Variants in PLXDC2 observed in about 807,000 individuals in gnomAD.
The protein encoded by PLXDC2 is plexin domain-containing protein 2.
PLXDC2 carries 40 observed loss-of-function variants against 68.9 expected under a neutral mutation model. The ratio of observed to expected loss-of-function variants is 0.58; its 90% CI spans 0.45 to 0.76. The LOEUF (loss-of-function observed/expected upper bound fraction) is 0.76, where lower values mean the gene tolerates loss of function less well. PLXDC2 is among the 30% of genes least tolerant of loss of function. The pLI is 0.00. For synonymous variants in PLXDC2, 243 were observed against 234.2 expected, an observed-to-expected ratio of 1.04 and a Z score of -0.34; for missense variants, 644 against 661.9, an observed-to-expected ratio of 0.97 and a Z score of 0.30.
chr10:20,104,366 C>G (rs947582867), intron 4 of PLXDC2, among the ~76,000 whole-genome samples: 4 of 152,154 alleles, frequency 2.6e-5, no homozygotes, highest in East Asian at 1.9e-4. Flanking sequence ...TTTTAAGCCT[C>G]CTATCTTTAA....
chr10:20,108,442 A>G (rs916960700), intron 4 of PLXDC2, among the ~76,000 whole-genome samples: 2 of 152,200 alleles, frequency 1.3e-5, no homozygotes, highest in African/African-American at 2.4e-5. Context: ...AACAGAAATA[A>G]TAGCATTTTT....
intron 1 of PLXDC2, among the ~76,000 whole-genome samples, chr10:19,995,653 A>G (rs1422373393): frequency 6.6e-6 from 1 of 152,208 alleles, no homozygotes; most frequent in Non-Finnish European, 1.5e-5. Context: ...CAGACTTGCA[A>G]ATAGCACTTT....
intron 1 of PLXDC2, among the ~76,000 whole-genome samples, chr10:19,980,826 A>C (rs1468954323): frequency 6.6e-6 from 1 of 152,172 alleles, no homozygotes; most frequent in Non-Finnish European, 1.5e-5. Context: ...AAATATAGCC[A>C]AACTGGGTGT....
intron 1 of PLXDC2, among the ~76,000 whole-genome samples, chr10:19,850,161 C>T (rs1047257755): frequency 6.6e-6 from 1 of 152,154 alleles, no homozygotes; most frequent in Non-Finnish European, 1.5e-5. Flanking sequence ...ATGCTAACCA[C>T]ACTGCCTGAC....
intron 9 of PLXDC2, among the ~76,000 whole-genome samples, chr10:20,193,128 G>T (rs768082287): frequency 6.6e-6 from 1 of 151,936 alleles, no homozygotes; most frequent in Non-Finnish European, 1.5e-5. Context: ...TACTTCATTT[G>T]GTACATTCAG....
chr10:20,192,641 A>G (rs570921104), intron 9 of PLXDC2, among the ~76,000 whole-genome samples: 17 of 152,192 alleles, frequency 1.1e-4, no homozygotes, highest in South Asian at 4.1e-4. Context: ...TAGATCAGAA[A>G]GTGGAGCATA....
rs1836155216 is a variant in PLXDC2 at position 20,286,571 on chromosome 10, GTGCCTA to G, written c.*6754_*6759del. ...CTGACCATGCAGCTGTAAACCTTCTGTGCCTATCAAACAAATACATAGCATGAAACT... is the reference window on the plus strand; with the variant it reads ...CTGACCATGCAGCTGTAAACCTTCTGTCAAACAAATACATAGCATGAAACT... On this transcript the variant is annotated 3_prime_UTR_variant, in exon 14 of 14. Transcript: ENST00000377252. 1 of 152,004 alleles carries G rather than the reference GTGCCTA, an allele frequency of 6.6e-6. No homozygotes were observed. The highest frequency in any genetic ancestry group is 2.4e-5 in the African/African-American group (1 of 41,376). 9.4% of individuals were successfully genotyped at this position (152,004 alleles called of 1,614,324 possible).
chr10:20,183,851 A>G (rs1320188662), intron 9 of PLXDC2, among the ~76,000 whole-genome samples: 1 of 152,024 alleles, frequency 6.6e-6, no homozygotes, highest in African/African-American at 2.4e-5. Context: ...GGAGCATGGC[A>G]TAAGATATTC....
intron 7 of PLXDC2, 63 bp downstream of exon 7, chr10:20,164,630 G>C: frequency 3.2e-6 from 4 of 1,250,886 alleles, no homozygotes; most frequent in Non-Finnish European, 4.7e-6. Context: ...AAAGGAGATT[G>C]GTCTATGGCA....
intron 3 of PLXDC2, among the ~76,000 whole-genome samples, chr10:20,049,873 A>G (rs1021111713): frequency 6.6e-6 from 1 of 152,130 alleles, no homozygotes; most frequent in Non-Finnish European, 1.5e-5. Context: ...TAAAATTCAT[A>G]TGGAACCAAA....
chr10:19,893,567 A>C (rs1200751753), intron 1 of PLXDC2, among the ~76,000 whole-genome samples: 4 of 152,232 alleles, frequency 2.6e-5, no homozygotes, highest in African/African-American at 9.6e-5. Flanking sequence ...GGCTTGATTT[A>C]AATCAGGTGG....
chr10:19,967,264 T>C (rs1348460226), intron 1 of PLXDC2, among the ~76,000 whole-genome samples: 1 of 152,204 alleles, frequency 6.6e-6, no homozygotes, highest in Non-Finnish European at 1.5e-5. Flanking sequence ...GTGAGTTCAT[T>C]AGCATTCTCA....
intron 10 of PLXDC2, among the ~76,000 whole-genome samples, chr10:20,213,356 T>C (rs1303662838): frequency 6.6e-6 from 1 of 152,098 alleles, no homozygotes; most frequent in East Asian, 1.9e-4. Flanking sequence ...CTGTTTTATG[T>C]ATATTTTCTG....
chr10:19,938,064 C>T (rs568326526), intron 1 of PLXDC2, among the ~76,000 whole-genome samples: 3 of 152,062 alleles, frequency 2.0e-5, no homozygotes, highest in Non-Finnish European at 1.5e-5. Context: ...TTGGTGGCAT[C>T]GCTAGCCCTC....
At chr10:20,079,035 A>G (rs1000503622) in intron 4 of PLXDC2, among the ~76,000 whole-genome samples, 1 of 152,172 alleles carries the variant, frequency 6.6e-6, no homozygotes, top group Non-Finnish European at 1.5e-5. Context: ...AAATAAAAAT[A>G]TTGAAAAAAA....
intron 4 of PLXDC2, among the ~76,000 whole-genome samples, chr10:20,114,252 C>T (rs1395564448): frequency 2.0e-5 from 3 of 152,218 alleles, no homozygotes; most frequent in Non-Finnish European, 4.4e-5. Flanking sequence ...CATAGCCTTC[C>T]ACCATCTGAC....
At chr10:20,149,781 T>C (rs1834129295) in intron 6 of PLXDC2, among the ~76,000 whole-genome samples, 1 of 152,188 alleles carries the variant, frequency 6.6e-6, no homozygotes, top group Non-Finnish European at 1.5e-5. Flanking sequence ...TAGTATTCCA[T>C]GGTGTATATG....
chr10:20,011,158 C>T (rs190688454), intron 2 of PLXDC2, among the ~76,000 whole-genome samples: 1 of 152,120 alleles, frequency 6.6e-6, no homozygotes, highest in African/African-American at 2.4e-5. Context: ...CAGAATATGT[C>T]CATTCTTTAT....
At chr10:20,157,667 A>G (rs1037557731) in intron 6 of PLXDC2, among the ~76,000 whole-genome samples, 2 of 152,136 alleles carry the variant, frequency 1.3e-5, no homozygotes, top group Admixed American at 6.6e-5. Flanking sequence ...GCTCTGCTCT[A>G]CTATTTTTAC....
Sources: allele counts gnomAD v4.1 joint callset (sites outside exome capture counted in the v4.1 genomes callset), GRCh38; gene constraint gnomAD v4.1.1; transcripts MANE v1.5; gene names NCBI Gene and HGNC (gene_info 2026-07-23, HGNC 2026-07-21).